Variants in METTL3 observed in about 807,000 individuals in gnomAD.
The protein encoded by METTL3 is methyltransferase 3, N6-adenosine-methyltransferase complex catalytic subunit.
In METTL3, 42 loss-of-function variants were observed where a neutral mutation model predicts 64.3. The ratio of observed to expected loss-of-function variants is 0.65; its 90% CI spans 0.51 to 0.84. The LOEUF (loss-of-function observed/expected upper bound fraction) is 0.84, where lower values mean the gene tolerates loss of function less well. METTL3 is among the 40% of genes least tolerant of loss of function. METTL3 has a pLI of 0.00. For missense variants in METTL3, 435 were observed against 722.3 expected (o/e 0.60, Z 4.56); for synonymous variants, 256 against 263.6 (o/e 0.97, Z 0.28).
Position 21,501,022 on chromosome 14 carries a change from C to G in METTL3, c.1007G>C (p.Cys336Ser), listed in dbSNP as rs781030168. The change falls in exon 5 of 11, where the codon TGC becomes TCC. Residue 336 changes from cysteine to serine, a missense_variant. Cys to Ser is a moderately radical substitution (Grantham distance 112, BLOSUM62 -1). This residue lies in a region of METTL3 where 67 missense variants were observed against 71.5 expected (regional missense o/e 0.94). Transcript: ENST00000298717. Reference protein sequence around the residue: ...CKYVHYEIDACMDSEAPGSKD... With the variant: ...CKYVHYEIDASMDSEAPGSKD... Reference sequence around the variant, plus strand: ...GCTGCCAGGGGCCTCAGAATCCATGCAAGCATCAATTTCATAGTGAACATA... The same window carrying G: ...GCTGCCAGGGGCCTCAGAATCCATGGAAGCATCAATTTCATAGTGAACATA... 5.6e-6 allele frequency: 9 copies of G among 1,614,004 alleles called. No homozygotes were observed. In the African/African-American group the frequency reaches 6.7e-5, roughly 12 times the overall value.
At chr14:21,504,055 G>A in intron 1 of METTL3, 174 bp from the exon 2 acceptor site, 1 of 604,534 alleles carries the variant, frequency 1.7e-6, no homozygotes, top group Admixed American at 3.0e-5. Flanking sequence ...AACATTCACT[G>A]CTTTGTCAAG....
chr14:21,504,458 A>C (rs768340056), intron 1 of METTL3: 1 of 152,724 alleles, frequency 6.5e-6, no homozygotes. Context: ...CTGGGTTGCC[A>C]TCATAACCTT....
At chr14:21,510,314 A>G (rs1891801754) in intron 1 of METTL3, among the ~76,000 whole-genome samples, 1 of 152,210 alleles carries the variant, frequency 6.6e-6, no homozygotes, top group Non-Finnish European at 1.5e-5. Context: ...GAGCACATGA[A>G]CCTAACATGA....
intron 7 of METTL3, 49 bp from the exon 8 acceptor site, chr14:21,499,649 T>G: frequency 6.3e-7 from 1 of 1,587,170 alleles, no homozygotes. Context: ...TTTTACAGTT[T>G]AGGGGTAGTA....
chr14:21,500,905 A>G lies in METTL3; in HGVS notation c.1116+8T>C. 1 of 1,611,178 alleles carries G rather than the reference A, an allele frequency of 6.2e-7. No homozygotes were observed. Among genetic ancestry groups the G allele is most frequent in the South Asian group, 1.1e-5 (1 of 90,902 alleles). On this transcript the variant is annotated splice_region_variant and intron_variant, in intron 5 of 10. Coordinates refer to ENST00000298717, the MANE Select transcript of METTL3 (RefSeq NM_019852.5). ...AAGTTGAGACGAGTTTTCTGAGCAG[A>G]CAGGTACCTGAGGTGGGAAGAGTCG...
intron 10 of METTL3, chr14:21,498,586 G>GCA: frequency 1.7e-6 from 1 of 575,586 alleles, no homozygotes; most frequent in Non-Finnish European, 3.0e-6. Flanking sequence ...TTATCTGAGG[G>GCA]TTAGTAACTA....
Position 21,503,717 on chromosome 14 carries a change from G to T in METTL3, c.265C>A (p.Leu89Met), listed in dbSNP as rs770203611. The T allele has an allele frequency of 6.2e-7, 1 of 1,614,254 alleles. No homozygotes were observed. Among genetic ancestry groups the T allele is most frequent in the Non-Finnish European group, 8.5e-7 (1 of 1,180,042 alleles). The part of the protein sequence containing the change: ...EKKLLHHLSD[L>M]ALTLPTDAVS... ...GCATCAGTGGGCAATGTTAAGGCCA[G>T]ATCAGAGAGGTGGTGTAGCAACTTC... Residue 89 changes from leucine to methionine, a missense_variant, in exon 2 of 11, where the codon CTG becomes ATG. This residue lies in a region of METTL3 where 228 missense variants were observed against 279.6 expected (regional missense o/e 0.82). Coordinates refer to ENST00000298717, the MANE Select transcript of METTL3 (RefSeq NM_019852.5).
chr14:21,503,117 T>G, intron 3 of METTL3, 56 bp downstream of exon 3: 1 of 1,537,062 alleles, frequency 6.5e-7, no homozygotes, highest in African/African-American at 1.4e-5. Context: ...TAAATCCCTG[T>G]CAAACAAAGC....
Position 21,500,628 on chromosome 14 carries a change from C to T in METTL3, c.1171G>A (p.Val391Ile), listed in dbSNP as rs756828306. ...TCCCAGGGTGGGTCAGCCATCACAA[C>T]TGCAAACTTGCCCAAGATACTGACG... ...LDVSILGKFA[V>I]VMADPPWDIH... is the part of the protein sequence containing the mutation. Residue 391 changes from valine (V) to isoleucine (I), a missense_variant, in exon 6 of 11, where the codon GTT (valine) becomes ATT (isoleucine). Coordinates refer to ENST00000298717, the MANE Select transcript of METTL3 (RefSeq NM_019852.5). 2 of 1,614,186 alleles carry T rather than the reference C, an allele frequency of 1.2e-6. No individual in the cohort carries two copies. Among genetic ancestry groups the T allele is most frequent in the South Asian group, 2.2e-5 (2 of 91,086 alleles).
At chr14:21,511,091 T>C (rs899997246) in intron 1 of METTL3, 33 bp downstream of exon 1, 4 of 1,608,986 alleles carry the variant, frequency 2.5e-6, no homozygotes, top group South Asian at 1.1e-5. Context: ...TCCTCCCCGG[T>C]TGAGCCTCGG....
intron 1 of METTL3, among the ~76,000 whole-genome samples, chr14:21,510,368 T>C (rs959266576): frequency 2.0e-5 from 3 of 152,190 alleles, no homozygotes; most frequent in African/African-American, 2.4e-5. Flanking sequence ...CTGACAAATA[T>C]TGGAACAATC....
chr14:21,501,409 A>G (rs1404897957), intron 4 of METTL3: 6 of 546,682 alleles, frequency 1.1e-5, no homozygotes, highest in Non-Finnish European at 1.9e-5. Flanking sequence ...ACACTGACCT[A>G]AGAGTTTAGG....
chr14:21,510,513 A>C (rs1404862280), intron 1 of METTL3: 1 of 152,226 alleles, frequency 6.6e-6, no homozygotes, highest in Non-Finnish European at 1.5e-5. Flanking sequence ...TTCAAGTTTT[A>C]TGATCGTGAC....
intron 1 of METTL3, among the ~76,000 whole-genome samples, chr14:21,507,147 C>CTCCGG (rs1891717026): frequency 6.6e-6 from 1 of 151,604 alleles, no homozygotes. Context: ...CACCACTGCA[C>CTCCGG]TCCAGCCTGG....
rs996979997 is a variant in METTL3 at position 21,498,508 on chromosome 14, T to G, written c.1632-139A>C. 25 of 729,876 alleles carry G rather than the reference T, an allele frequency of 3.4e-5. No homozygotes were observed. The African/African-American group carries it at 4.4e-4, about 13-fold the overall frequency. The allele number at this position is 729,876 out of a possible 1,614,324, so 45.2% of individuals were successfully genotyped here. On this transcript the variant is annotated intron_variant, in intron 10 of 10. Transcript: ENST00000298717. ...TTCTAAAAAGAGCTTAACATTAGAA[T>G]AGTATATGGTAGAATTACTAGTTCA... is the stretch of plus-strand genomic sequence containing the variant.
In METTL3 at chr14:21,498,816, G is replaced by T. The variant is rs1891478854; in HGVS notation, c.1631+209C>A. 7.2e-6 allele frequency: 4 copies of T among 553,504 alleles called. No individual in the cohort carries two copies. In the Admixed American group the frequency reaches 1.3e-4, roughly 17 times the overall value. 34.3% of individuals were successfully genotyped at this position (553,504 alleles called of 1,614,324 possible). On this transcript the variant is annotated intron_variant, in intron 10 of 10. Coordinates refer to ENST00000298717, the MANE Select transcript of METTL3 (RefSeq NM_019852.5). ...GTGAAGAGAGTAGAAACCCTAGGGA[G>T]CAGTGCTTTTGGGTCCTAGAACCTG...
chr14:21,507,267 A>G (rs1200140327), intron 1 of METTL3, among the ~76,000 whole-genome samples: 1 of 152,140 alleles, frequency 6.6e-6, no homozygotes, highest in African/African-American at 2.4e-5. Flanking sequence ...ATTTTCCACT[A>G]TTAACGATGT....
intron 4 of METTL3, 153 bp from the exon 5 acceptor site, chr14:21,501,282 G>A (rs1594439681): frequency 1.6e-6 from 1 of 631,166 alleles, no homozygotes; most frequent in Non-Finnish European, 2.7e-6. Flanking sequence ...CAGGTAGCAT[G>A]GAAATCCATA....
intron 1 of METTL3, 68 bp downstream of exon 1, chr14:21,511,056 G>C: frequency 6.4e-7 from 1 of 1,559,582 alleles, no homozygotes; most frequent in Non-Finnish European, 8.7e-7. Flanking sequence ...TGACTCTGGA[G>C]CTTTTTCTCT....
Sources: gnomAD v4.1 joint callset for allele counts (sites outside exome capture counted in the v4.1 genomes callset) on GRCh38, gnomAD v4.1.1 for gene constraint, gnomAD v4.1.1 regional missense constraint, MANE v1.5 for transcripts, NCBI Gene and HGNC (gene_info 2026-07-23, HGNC 2026-07-21) for gene names.